HSF2BP: variants seen among roughly 807,000 people sequenced by gnomAD.
HSF2BP encodes heat shock transcription factor 2 binding protein.
In HSF2BP, 35 loss-of-function variants were observed where a neutral mutation model predicts 35.0. The ratio of observed to expected loss-of-function variants is 1.00; its 90% CI spans 0.76 to 1.32. The LOEUF is 1.32. Ranked by LOEUF, HSF2BP falls within the 40% of genes most tolerant of loss-of-function variation. HSF2BP has a pLI of 0.00. For missense variants in HSF2BP, 326 were observed against 321.7 expected, an observed-to-expected ratio of 1.01 and a Z score of -0.10; for synonymous variants, 114 against 117.4, an observed-to-expected ratio of 0.97 and a Z score of 0.18.
intron 3 of HSF2BP, among the ~76,000 whole-genome samples, chr21:43,648,276 A>T (rs1319815833): frequency 6.6e-6 from 1 of 152,194 alleles, no homozygotes; most frequent in African/African-American, 2.4e-5. Flanking sequence ...TGGATGCAAT[A>T]GCAGCCCCGC....
intron 3 of HSF2BP, among the ~76,000 whole-genome samples, chr21:43,647,826 G>C (rs1233039783): frequency 6.6e-6 from 1 of 151,814 alleles, no homozygotes; most frequent in Non-Finnish European, 1.5e-5. Context: ...CTACTCGGGA[G>C]GCTGAGGTAT....
At chr21:43,598,931 C>A (rs769793589) in intron 7 of HSF2BP, among the ~76,000 whole-genome samples, 14 of 152,214 alleles carry the variant, frequency 9.2e-5, no homozygotes, top group Non-Finnish European at 2.1e-4. Context: ...AACTGAGTCA[C>A]CGCAACAGAG....
At chr21:43,634,058 G>A (rs943452197) in intron 4 of HSF2BP, among the ~76,000 whole-genome samples, 1 of 152,176 alleles carries the variant, frequency 6.6e-6, no homozygotes, top group Non-Finnish European at 1.5e-5. Flanking sequence ...TAGGAAAGAT[G>A]GGAGGAGGGG....
At chr21:43,653,161 CAGAG>C (rs141856885) in intron 3 of HSF2BP, among the ~76,000 whole-genome samples, 8 of 122,240 alleles carry the variant, frequency 6.5e-5, no homozygotes, top group Admixed American at 1.0e-4. Flanking sequence ...AAGAGAGACA[CAGAG>C]AGAGAGAGAG....
At chr21:43,631,859 G>A (rs922475401) in intron 5 of HSF2BP, among the ~76,000 whole-genome samples, 4 of 151,962 alleles carry the variant, frequency 2.6e-5, no homozygotes, top group Non-Finnish European at 4.4e-5. Context: ...CTGCACGCAT[G>A]CATACATGTG....
chr21:43,591,652 T>C (rs2081926819), intron 8 of HSF2BP, among the ~76,000 whole-genome samples: 1 of 152,236 alleles, frequency 6.6e-6, no homozygotes, highest in Non-Finnish European at 1.5e-5. Context: ...AGGTATACAG[T>C]AGGCCCCTCT....
chr21:43,632,276 C>CCA (rs151264343), intron 5 of HSF2BP, among the ~76,000 whole-genome samples: 5 of 82,530 alleles, frequency 6.1e-5, no homozygotes, highest in African/African-American at 1.9e-4. Flanking sequence ...CACGCTCCCC[C>CCA]CACACACACA....
At chr21:43,585,754 G>T (rs1362107566) in intron 8 of HSF2BP, among the ~76,000 whole-genome samples, 4 of 152,172 alleles carry the variant, frequency 2.6e-5, no homozygotes, top group Middle Eastern at 3.2e-3. Flanking sequence ...GAGGGCGTAA[G>T]AGATTAAAAG....
chr21:43,596,910 A>AGAAT (rs1568897934), intron 7 of HSF2BP, among the ~76,000 whole-genome samples: 6 of 119,596 alleles, frequency 5.0e-5, no homozygotes, highest in Non-Finnish European at 1.1e-4. Context: ...AAAAAAGAGA[A>AGAAT]TTTTTTTTTA....
At chr21:43,576,941 T>C (rs1266419771) in intron 8 of HSF2BP, among the ~76,000 whole-genome samples, 1 of 152,244 alleles carries the variant, frequency 6.6e-6, no homozygotes, top group African/African-American at 2.4e-5. Context: ...GGCAATTTCA[T>C]GTGGTTCAAC....
chr21:43,657,313 T>G (rs896765356), intron 2 of HSF2BP, among the ~76,000 whole-genome samples: 3 of 152,202 alleles, frequency 2.0e-5, no homozygotes, highest in African/African-American at 7.2e-5. Flanking sequence ...TGAGCTATGA[T>G]CGTGCCACTG....
intron 2 of HSF2BP, among the ~76,000 whole-genome samples, chr21:43,656,994 GA>G (rs1410212635): frequency 1.3e-5 from 2 of 152,214 alleles, no homozygotes; most frequent in Non-Finnish European, 2.9e-5. Flanking sequence ...GCTCACACTT[GA>G]AATCCCAGGA....
rs538497342 is a variant in HSF2BP at position 43,614,940 on chromosome 21, G to A, written c.575-993C>T. Among the ~76,000 whole-genome samples the A allele has an allele frequency of 4.9e-4, 75 of 152,276 alleles. 1 individual carries two copies. The South Asian group carries it at 0.014, about 29-fold the overall frequency. ...AGAAAACTTATTTTCTCAATTTTAT[G>A]TCCCATTGTGGAACAGCAAGTATCC... is the stretch of plus-strand genomic sequence containing the variant. On this transcript the variant is annotated intron_variant, in intron 6 of 8. Transcript: ENST00000291560.
rs1482088240 is a variant in HSF2BP, at chr21:43,581,839, C to CTGAGGGAGATGAGGGCCTGT, written c.796+10385_796+10386insACAGGCCCTCATCTCCCTCA. Reference sequence around the variant, plus strand: ...CTGTGCTGCGGGAGATGAGGGCCTGCTGAGGGAGATGAGGGCCTGCTGAGG... The same window carrying CTGAGGGAGATGAGGGCCTGT: ...CTGTGCTGCGGGAGATGAGGGCCTGCTGAGGGAGATGAGGGCCTGTTGAGGGAGATGAGGGCCTGCTGAGG... On this transcript the variant is annotated intron_variant, in intron 8 of 8. Transcript: ENST00000291560. Among the ~76,000 whole-genome samples the CTGAGGGAGATGAGGGCCTGT allele has an allele frequency of 1.6e-4, 24 of 150,998 alleles. No individual in the cohort carries two copies. In the East Asian group the frequency reaches 4.7e-3, roughly 29 times the overall value.
intron 8 of HSF2BP, among the ~76,000 whole-genome samples, chr21:43,582,226 T>C (rs1601616594): frequency 2.8e-5 from 3 of 108,344 alleles, no homozygotes; most frequent in Admixed American, 1.0e-4. Context: ...GAGGGCCTGC[T>C]GTGGGGGATG....
chr21:43,649,010 C>T (rs944485211), intron 3 of HSF2BP, among the ~76,000 whole-genome samples: 1 of 152,136 alleles, frequency 6.6e-6, no homozygotes, highest in African/African-American at 2.4e-5. Context: ...GACTTACCTA[C>T]TATTAACATT....
chr21:43,574,598 C>G (rs2081618031), intron 8 of HSF2BP, among the ~76,000 whole-genome samples: 4 of 152,160 alleles, frequency 2.6e-5, no homozygotes, highest in Admixed American at 2.6e-4. Context: ...ACCTTGTGAT[C>G]CGCCCGCCTC....
intron 3 of HSF2BP, among the ~76,000 whole-genome samples, chr21:43,650,268 G>A (rs1410364349): frequency 6.6e-6 from 1 of 151,944 alleles, no homozygotes; most frequent in East Asian, 1.9e-4. Context: ...GTGCAGTGGT[G>A]CGATCTCGGC....
At position 43,659,049 on chromosome 21, in the gene HSF2BP, G is replaced by A. The variant is rs529267599; in HGVS notation, c.-225+337C>T. On this transcript the variant is annotated intron_variant, in intron 1 of 8. Coordinates refer to ENST00000291560, the MANE Select transcript of HSF2BP (RefSeq NM_007031.2). This position sits in a 1 kb window ranked among gnomAD's most constrained non-coding sequence, Gnocchi z 4.2. The stretch of plus-strand genomic sequence containing the variant: ...GCGGCGGCTCAAGCCTGTAATCCCA[G>A]CGATCAGGGAGGCCGCCGCGGGAGG... Among the ~76,000 whole-genome samples, 20 of 152,314 alleles carry A rather than the reference G, an allele frequency of 1.3e-4. No homozygotes were observed. The East Asian group carries it at 3.7e-3, about 28-fold the overall frequency.
Sources: allele counts gnomAD v4.1 joint callset (sites outside exome capture counted in the v4.1 genomes callset), GRCh38; gene constraint gnomAD v4.1.1; non-coding constraint Gnocchi (gnomAD v3.1); transcripts MANE v1.5; gene names NCBI Gene and HGNC (gene_info 2026-07-23, HGNC 2026-07-21).